NDST3: variants seen among roughly 807,000 people sequenced by gnomAD.
NDST3 encodes N-deacetylase and N-sulfotransferase 3.
In NDST3, 58 loss-of-function variants were observed where a neutral mutation model predicts 96.1. The ratio of observed to expected loss-of-function variants is 0.60; its 90% CI spans 0.49 to 0.75. The LOEUF (loss-of-function observed/expected upper bound fraction) is 0.75. Among genes scored for constraint, NDST3 ranks in the 30% least tolerant of loss-of-function variants. The probability of loss-of-function intolerance (pLI) is 0.00; values close to 1 mark genes in which losing one functional copy is unlikely to be tolerated. For synonymous variants in NDST3, 333 were observed against 359.7 expected (o/e 0.93, Z 0.84); for missense variants, 788 against 1,034.2 (o/e 0.76, Z 3.27).
At chr4:118,092,294 G>A (rs960259798) in intron 2 of NDST3, among the ~76,000 whole-genome samples, 1 of 151,378 alleles carries the variant, frequency 6.6e-6, no homozygotes, top group African/African-American at 2.4e-5. Flanking sequence ...GTTACTCAGT[G>A]TCCTTAGAGC....
intron 12 of NDST3, 76 bp downstream of exon 12, chr4:118,242,225 C>T: frequency 5.2e-6 from 5 of 962,514 alleles, no homozygotes; most frequent in Non-Finnish European, 8.1e-6. Context: ...TTTGGTCATA[C>T]AACTGTCAGG....
intron 6 of NDST3, among the ~76,000 whole-genome samples, chr4:118,181,127 C>G (rs1268511246): frequency 2.6e-5 from 4 of 152,014 alleles, no homozygotes; most frequent in Non-Finnish European, 1.5e-5. Context: ...ACAGAGTACT[C>G]CAAAAAAGAA....
chr4:118,054,511 T>C lies in NDST3; in HGVS notation c.601T>C (p.Leu201=). Residue 201 remains leucine, a synonymous_variant, in exon 2 of 14, where the codon TTG becomes CTG. Coordinates refer to ENST00000296499, the MANE Select transcript of NDST3 (RefSeq NM_004784.3). ...TTGTTGTATTAATCCTCATTCTCCA[T>C]TGATTCGTGTGACCAAATCTTCCAA... ...KDCCINPHSP[L]IRVTKSSKLE... is the part of the protein sequence containing the mutation. The C allele has an allele frequency of 6.2e-7, 1 of 1,613,304 alleles. No individual in the cohort carries two copies. Among genetic ancestry groups the C allele is most frequent in the African/African-American group, 1.3e-5 (1 of 74,988 alleles).
At chr4:118,244,173 G>C (rs924827134) in intron 12 of NDST3, among the ~76,000 whole-genome samples, 174 of 151,674 alleles carry the variant, frequency 1.1e-3, no homozygotes, top group Non-Finnish European at 2.5e-4. Context: ...AAACCTGGCA[G>C]TGCACTAGTT....
At chr4:118,158,105 T>C (rs1240040777) in intron 6 of NDST3, among the ~76,000 whole-genome samples, 3 of 152,152 alleles carry the variant, frequency 2.0e-5, no homozygotes, top group Admixed American at 6.5e-5. Context: ...AAGAGAGAAT[T>C]AGAGTATTTA....
Position 118,105,059 on chromosome 4 carries a change from A to G in NDST3, c.1023A>G (p.Thr341=), listed in dbSNP as rs780333143. Residue 341 remains threonine (T), a synonymous_variant, in exon 3 of 14, where the codon ACA becomes ACG. Transcript: ENST00000296499. ...AGAATCTTTTGCGTGCACAAATCAC[A>G]AATTTTACATTCAACCTGGGATTTT... ...DTQNLLRAQI[T]NFTFNLGFSG... is the part of the protein sequence containing the mutation. The G allele has an allele frequency of 9.9e-6, 16 of 1,613,452 alleles. No homozygotes were observed. The South Asian group carries it at 1.8e-4, about 18-fold the overall frequency.
At chr4:118,204,073 C>T (rs1738273503) in intron 6 of NDST3, among the ~76,000 whole-genome samples, 1 of 152,122 alleles carries the variant, frequency 6.6e-6, no homozygotes, top group South Asian at 2.1e-4. Flanking sequence ...ACTTCCAAAC[C>T]TAGTTTCGAT....
chr4:118,121,401 A>G (rs571790144), intron 4 of NDST3, among the ~76,000 whole-genome samples: 1 of 152,324 alleles, frequency 6.6e-6, no homozygotes, highest in Non-Finnish European at 1.5e-5. Context: ...TATTTTAAGT[A>G]TCTTGAACTC....
chr4:118,255,670 T>C lies in NDST3; in HGVS notation c.2580T>C (p.Pro860=). 1 of 1,613,758 alleles carries C rather than the reference T, an allele frequency of 6.2e-7. No homozygotes were observed. Among genetic ancestry groups the C allele is most frequent in the South Asian group, 1.1e-5 (1 of 91,006 alleles). ...AGCTGCTGCACAAACTGGGTCAGCC[T>C]CTGCCATCCTGGCTGAGACAGGAGC... ...LSKLLHKLGQ[P]LPSWLRQELQ... Residue 860 remains proline, a synonymous_variant, in exon 14 of 14, where the codon CCT becomes CCC. Transcript: ENST00000296499.
chr4:118,054,972 G>A (rs1277067268), intron 2 of NDST3, 81 bp downstream of exon 2: 5 of 1,556,146 alleles, frequency 3.2e-6, no homozygotes, highest in Non-Finnish European at 4.4e-6. Flanking sequence ...TACTACAACT[G>A]GGTTACCCAG....
Position 118,143,686 on chromosome 4 carries a change from T to C in NDST3, c.1539+2T>C. ...TTCTTCACTGTCGTCCTCAACCCTG[T>C]AAGTACTTTATTCTCCAAATAAATA... On this transcript the variant is annotated splice_donor_variant, in intron 6 of 13. Transcript: ENST00000296499. LOFTEE classifies it high-confidence loss of function. 1 of 1,582,462 alleles carries C rather than the reference T, an allele frequency of 6.3e-7. No homozygotes were observed. Among genetic ancestry groups the C allele is most frequent in the Non-Finnish European group, 8.5e-7 (1 of 1,171,000 alleles).
chr4:118,093,834 GA>G (rs1349855874), intron 2 of NDST3, among the ~76,000 whole-genome samples: 1 of 151,764 alleles, frequency 6.6e-6, no homozygotes, highest in Non-Finnish European at 1.5e-5. Context: ...ATAAATAATA[GA>G]AATTTAGTTC....
chr4:118,234,681 C>T (rs1430798736), intron 9 of NDST3, among the ~76,000 whole-genome samples: 2 of 151,210 alleles, frequency 1.3e-5, no homozygotes, highest in African/African-American at 4.9e-5. Flanking sequence ...AATTTTTTAC[C>T]ATAAATTTTA....
At chr4:118,194,190 G>A in intron 6 of NDST3, 1 of 766,114 alleles carries the variant, frequency 1.3e-6, no homozygotes, top group South Asian at 1.4e-5. Flanking sequence ...GGCAGATCCA[G>A]ATTCTCCTGA....
intron 5 of NDST3, among the ~76,000 whole-genome samples, chr4:118,138,451 A>G (rs1351615645): frequency 6.6e-6 from 1 of 152,222 alleles, no homozygotes; most frequent in African/African-American, 2.4e-5. Flanking sequence ...TTTGTTACTG[A>G]CATTACCACT....
chr4:118,224,628 CA>C lies in NDST3; in HGVS notation c.1679del (p.Lys560SerfsTer41). On this transcript the variant is annotated frameshift_variant, in exon 7 of 14. Transcript: ENST00000296499. LOFTEE classifies it high-confidence loss of function. ...CTCTGCCTCCAGTACAACTGGCCCA[CA>C]AGTATTTTGAGCTGTTTCCTGATCA... ...QTLPPVQLAH[K>X]YFELFPDQKD... 1 of 1,610,762 alleles carries C rather than the reference CA, an allele frequency of 6.2e-7. No individual in the cohort carries two copies.
At position 118,240,688 on chromosome 4, in the gene NDST3, A is replaced by G. The variant is rs1290974203; in HGVS notation, c.2283A>G (p.Pro761=). ...HIERWLVYFP[P]FQLLIIDGQQ... ...AGAGATGGCTTGTTTATTTCCCCCCATTTCAGGTATGGAGTAATAAGGATT... is the reference window on the plus strand; with the variant it reads ...AGAGATGGCTTGTTTATTTCCCCCCGTTTCAGGTATGGAGTAATAAGGATT... Residue 761 remains proline (P), a synonymous_variant, in exon 11 of 14, where the codon CCA becomes CCG. Transcript: ENST00000296499. 6.2e-7 allele frequency: 1 copy of G among 1,612,948 alleles called. No homozygotes were observed. Among genetic ancestry groups the G allele is most frequent in the South Asian group, 1.1e-5 (1 of 90,922 alleles).
chr4:118,155,903 G>T (rs1734681765), intron 6 of NDST3, among the ~76,000 whole-genome samples: 1 of 152,126 alleles, frequency 6.6e-6, no homozygotes, highest in South Asian at 2.1e-4. Context: ...TAAGAAAATA[G>T]ATATTAAGTT....
chr4:118,224,701 C>A (rs780441721), intron 7 of NDST3, 28 bp downstream of exon 7: 1 of 1,501,382 alleles, frequency 6.7e-7, no homozygotes, highest in South Asian at 1.4e-5. Context: ...ATTGATATAA[C>A]CAGTTAATTC....
Sources: gnomAD v4.1 joint callset for allele counts (sites outside exome capture counted in the v4.1 genomes callset) on GRCh38, gnomAD v4.1.1 for gene constraint, MANE v1.5 for transcripts, NCBI Gene and HGNC (gene_info 2026-07-23, HGNC 2026-07-21) for gene names.